The following SLC35E1 variants were observed in gnomAD, a reference collection of about 807,000 sequenced individuals.
SLC35E1 encodes the protein solute carrier family 35, member E1.
Under a neutral mutation model 31.0 loss-of-function variants are expected in SLC35E1, and 12 were observed. The observed-to-expected ratio is 0.39, with a 90% CI of 0.25 to 0.63. The LOEUF is 0.63. SLC35E1 is among the 20% of genes least tolerant of loss of function. The pLI, the probability that SLC35E1 is intolerant of heterozygous loss-of-function variation, is 0.52. For missense variants in SLC35E1, 429 were observed against 572.2 expected (o/e 0.75, Z 2.55); for synonymous variants, 257 against 264.1 (o/e 0.97, Z 0.26).
intron 4 of SLC35E1, among the ~76,000 whole-genome samples, chr19:16,558,511 A>AT (rs2085887988): frequency 1.3e-5 from 2 of 150,828 alleles, no homozygotes; most frequent in Non-Finnish European, 3.0e-5. Context: ...TAATTTTTCT[A>AT]TTTTTAGTAG....
Position 16,566,570 on chromosome 19 carries a change from G to GAA in SLC35E1, c.716_717dup (p.Leu240PhefsTer14). 6.2e-7 allele frequency: 1 copy of GAA among 1,612,790 alleles called. No homozygotes were observed. Among genetic ancestry groups the GAA allele is most frequent in the Non-Finnish European group, 8.5e-7 (1 of 1,180,028 alleles). ...ACCAGGAAAGCCGAGAGGTCCACCAGAACCCAGGTGGGGATCATAAAGAAG... is the reference window on the plus strand; with the variant it reads ...ACCAGGAAAGCCGAGAGGTCCACCAGAAAACCCAGGTGGGGATCATAAAGAAG... On this transcript the variant is annotated frameshift_variant, in exon 4 of 6. Coordinates refer to ENST00000595753, the MANE Select transcript of SLC35E1 (RefSeq NM_024881.5). LOFTEE classifies it high-confidence loss of function.
At chr19:16,565,398 C>T (rs2085926631) in intron 4 of SLC35E1, 1 of 303,184 alleles carries the variant, frequency 3.3e-6, no homozygotes, top group South Asian at 2.7e-5. Context: ...TTAGTAGAGA[C>T]AGGATTTCAC....
Position 16,568,022 on chromosome 19 carries a change from G to T in SLC35E1, c.630+10C>A. On this transcript the variant is annotated intron_variant, in intron 3 of 5. Transcript: ENST00000595753. ...AACCCCATGCATGTCCGCTGATGGTGACCAAATACCTTTTTGGAGAAAATG... is the reference window on the plus strand; with the variant it reads ...AACCCCATGCATGTCCGCTGATGGTTACCAAATACCTTTTTGGAGAAAATG... The T allele has an allele frequency of 1.9e-6, 3 of 1,603,542 alleles. No homozygotes were observed. In the South Asian group the frequency reaches 3.3e-5, roughly 18 times the overall value.
chr19:16,561,081 G>A (rs2085903242), intron 4 of SLC35E1, among the ~76,000 whole-genome samples: 1 of 149,772 alleles, frequency 6.7e-6, no homozygotes, highest in Non-Finnish European at 1.5e-5. Flanking sequence ...GGGCATGATG[G>A]CATGTGCCTG....
At position 16,553,626 on chromosome 19, in the gene SLC35E1, G is replaced by T; in HGVS notation, c.*53C>A. On this transcript the variant is annotated 3_prime_UTR_variant, in exon 6 of 6. Transcript: ENST00000595753. ...CTGATTGTCAGAAGTTTCTGATACT[G>T]CTGTGGGGGCCGGGGAAGGAGTCAC... 1.4e-6 allele frequency: 2 copies of T among 1,387,080 alleles called. No individual in the cohort carries two copies. The highest frequency in any genetic ancestry group is 1.9e-6 in the Non-Finnish European group (2 of 1,040,294). 85.9% of individuals were successfully genotyped at this position (1,387,080 alleles called of 1,614,324 possible). A position where few individuals can be genotyped will look rare whatever the true frequency, so the allele number is the denominator to read the frequency against.
Position 16,555,613 on chromosome 19 carries a change from C to A in SLC35E1, c.757-216G>T. ...TGACACCACACAGCATGGGAATCACCCGCCGTCTCCTGCCAAGGAAACAGG... is the reference window on the plus strand; with the variant it reads ...TGACACCACACAGCATGGGAATCACACGCCGTCTCCTGCCAAGGAAACAGG... On this transcript the variant is annotated intron_variant, in intron 4 of 5. Transcript: ENST00000595753. The surrounding 1 kb of genome is among the most constrained non-coding windows in gnomAD (Gnocchi z 4.1). The A allele has an allele frequency of 1.7e-6, 1 of 575,676 alleles. No individual in the cohort carries two copies. The allele number at this position is 575,676 out of a possible 1,614,324, so 35.7% of individuals were successfully genotyped here. A position where few individuals can be genotyped will look rare whatever the true frequency, so the allele number is the denominator to read the frequency against.
intron 2 of SLC35E1, 113 bp from the exon 3 acceptor site, chr19:16,568,282 A>C: frequency 3.8e-6 from 5 of 1,328,392 alleles, no homozygotes; most frequent in Non-Finnish European, 4.0e-6. Context: ...ATACCACCTA[A>C]CACTTTGAAA....
At position 16,553,271 on chromosome 19, in the gene SLC35E1, A is replaced by G. The variant is rs7247402; in HGVS notation, c.*408T>C. 0.052 allele frequency: 8,056 copies of G among 154,792 alleles called. 287 individuals carry two copies. Among genetic ancestry groups the G allele is most frequent in the South Asian group, 0.064 (313 of 4,874 alleles). The allele number at this position is 154,792 out of a possible 1,614,324, so 9.6% of individuals were successfully genotyped here. A position where few individuals can be genotyped will look rare whatever the true frequency, so the allele number is the denominator to read the frequency against. On this transcript the variant is annotated 3_prime_UTR_variant, in exon 6 of 6. Coordinates refer to ENST00000595753, the MANE Select transcript of SLC35E1 (RefSeq NM_024881.5). ...CCCTGGACACCCCCACTGCCAGTTCATGGTCTACAGCCACAGTGACCCCAG... is the reference window on the plus strand; with the variant it reads ...CCCTGGACACCCCCACTGCCAGTTCGTGGTCTACAGCCACAGTGACCCCAG...
At chr19:16,554,837 AAAAG>A (rs2085867284) in intron 5 of SLC35E1, among the ~76,000 whole-genome samples, 2 of 151,408 alleles carry the variant, frequency 1.3e-5, no homozygotes, top group South Asian at 4.2e-4. Context: ...AAAAAAAAAA[AAAAG>A]AAAAGGAAAA....
chr19:16,555,274 C>T lies in SLC35E1; in HGVS notation c.880G>A (p.Ala294Thr), dbSNP rs745759492. The T allele has an allele frequency of 2.5e-6, 4 of 1,614,148 alleles. No individual in the cohort carries two copies. Among genetic ancestry groups the T allele is most frequent in the Non-Finnish European group, 3.4e-6 (4 of 1,180,022 alleles). ...NLVSPLSYSVANATKRIMVIT... is the reference protein window; with the variant it reads ...NLVSPLSYSVTNATKRIMVIT... ...ACCATGATTCTTTTGGTGGCATTGG[C>T]GACCGAGTAGCTCAGGGGGCTAACG... is the stretch of plus-strand genomic sequence containing the variant. Residue 294 changes from alanine to threonine, a missense_variant, in exon 5 of 6, where the codon GCC becomes ACC. Physicochemically the swap from Ala to Thr is moderately conservative, Grantham distance 58 (BLOSUM62 0). Transcript: ENST00000595753. The surrounding 1 kb of genome is among the most constrained non-coding windows in gnomAD (Gnocchi z 4.1).
intron 3 of SLC35E1, among the ~76,000 whole-genome samples, chr19:16,567,565 C>CT (rs200224045): frequency 4.6e-5 from 7 of 151,850 alleles, no homozygotes; most frequent in East Asian, 1.9e-4. Flanking sequence ...AATAGAAAAA[C>CT]TTTTTTTTGT....
intron 4 of SLC35E1, among the ~76,000 whole-genome samples, chr19:16,564,846 G>A (rs1291214123): frequency 6.6e-6 from 1 of 152,144 alleles, no homozygotes; most frequent in African/African-American, 2.4e-5. Flanking sequence ...ACTAGTCCTG[G>A]AAGATGGAAA....
chr19:16,568,764 C>A (rs1404848759), intron 2 of SLC35E1, among the ~76,000 whole-genome samples: 1 of 152,160 alleles, frequency 6.6e-6, no homozygotes, highest in Non-Finnish European at 1.5e-5. Context: ...AACGCCTGAT[C>A]CACGTCATCC....
In SLC35E1 at chr19:16,555,625, GCCAAGGAAACAGGTGAAGCCAGGTCC is replaced by G; in HGVS notation, c.757-254_757-229del. The G allele has an allele frequency of 1.1e-5, 6 of 551,292 alleles. No homozygotes were observed. In the South Asian group the frequency reaches 1.4e-4, roughly 12 times the overall value. The allele number at this position is 551,292 out of a possible 1,614,324, so 34.2% of individuals were successfully genotyped here. A position where few individuals can be genotyped will look rare whatever the true frequency, so the allele number is the denominator to read the frequency against. On this transcript the variant is annotated intron_variant, in intron 4 of 5. Transcript: ENST00000595753. The surrounding 1 kb of genome is among the most constrained non-coding windows in gnomAD (Gnocchi z 4.1). ...GCATGGGAATCACCCGCCGTCTCCTGCCAAGGAAACAGGTGAAGCCAGGTCCCCAAAGGGCACCAAGCAAGACGTAA... is the reference window on the plus strand; with the variant it reads ...GCATGGGAATCACCCGCCGTCTCCTGCCAAAGGGCACCAAGCAAGACGTAA...
chr19:16,554,330 G>T (rs1341266465), intron 5 of SLC35E1, among the ~76,000 whole-genome samples: 1 of 151,182 alleles, frequency 6.6e-6, no homozygotes, highest in East Asian at 1.9e-4. Context: ...CATAGGGCTT[G>T]AGCAAGGAAA....
chr19:16,567,950 C>A (rs1346049759), intron 3 of SLC35E1, 82 bp downstream of exon 3: 2 of 1,456,716 alleles, frequency 1.4e-6, no homozygotes, highest in Non-Finnish European at 1.8e-6. Context: ...AATTTCTACT[C>A]CGCCTGTTTT....
rs754006311 is a variant in SLC35E1 at position 16,551,752 on chromosome 19, C to CT, written c.*1926dup. ...TTTCTGCCAAGACCCAAACTGATTC[C>CT]TTTTTTTTTTTTTTTTTTTTGAGAC... On this transcript the variant is annotated 3_prime_UTR_variant, in exon 6 of 6. Transcript: ENST00000595753. The CT allele has an allele frequency of 8.8e-3, 1,128 of 128,214 alleles. 11 individuals are homozygous for CT. Among genetic ancestry groups the CT allele is most frequent in the East Asian group, 0.047 (206 of 4,392 alleles). The allele number at this position is 128,214 out of a possible 1,614,324, so 7.9% of individuals were successfully genotyped here. A position where few individuals can be genotyped will look rare whatever the true frequency, so the allele number is the denominator to read the frequency against.
chr19:16,555,667 C>A lies in SLC35E1; in HGVS notation c.757-270G>T. 2.2e-6 allele frequency: 1 copy of A among 445,780 alleles called. No individual in the cohort carries two copies. The highest frequency in any genetic ancestry group is 4.1e-6 in the Non-Finnish European group (1 of 245,376). 27.6% of individuals were successfully genotyped at this position (445,780 alleles called of 1,614,324 possible). On this transcript the variant is annotated intron_variant, in intron 4 of 5. Transcript: ENST00000595753. This position sits in a 1 kb window ranked among gnomAD's most constrained non-coding sequence, Gnocchi z 4.1. ...AGCCAGGTCCCCAAAGGGCACCAAGCAAGACGTAAGCCAAAGCCTTCCCTG... is the reference window on the plus strand; with the variant it reads ...AGCCAGGTCCCCAAAGGGCACCAAGAAAGACGTAAGCCAAAGCCTTCCCTG...
intron 2 of SLC35E1, 67 bp from the exon 3 acceptor site, chr19:16,568,236 C>T: frequency 2.6e-6 from 4 of 1,510,202 alleles, no homozygotes; most frequent in Non-Finnish European, 3.5e-6. Flanking sequence ...GCCACAGATG[C>T]CCAGGGAAGA....
Sources: gnomAD v4.1 joint callset for allele counts (sites outside exome capture counted in the v4.1 genomes callset) on GRCh38, gnomAD v4.1.1 for gene constraint, Gnocchi (gnomAD v3.1) non-coding constraint, MANE v1.5 for transcripts, NCBI Gene and HGNC (gene_info 2026-07-23, HGNC 2026-07-21) for gene names.